Variants in MRPL3 observed in about 807,000 individuals in gnomAD.
MRPL3 encodes large ribosomal subunit protein uL3m.
MRPL3 carries 43 observed loss-of-function variants against 44.3 expected under a neutral mutation model. The observed-to-expected ratio is 0.97, with a 90% CI of 0.76 to 1.25. The LOEUF is 1.25. MRPL3 is among the 50% of genes most tolerant of loss of function. The pLI, the probability that MRPL3 is intolerant of heterozygous loss-of-function variation, is 0.00. For synonymous variants in MRPL3, 171 were observed against 152.3 expected (o/e 1.12, Z -0.91); for missense variants, 406 against 427.6 (o/e 0.95, Z 0.45).
intron 3 of MRPL3, among the ~76,000 whole-genome samples, chr3:131,499,418 T>C (rs1223186635): frequency 2.0e-5 from 3 of 152,228 alleles, no homozygotes; most frequent in Non-Finnish European, 4.4e-5. Flanking sequence ...TTTTGCCACA[T>C]AATGCTAAAG....
Position 131,476,626 on chromosome 3 carries a change from A to T in MRPL3, c.630-5347T>A, listed in dbSNP as rs181339641. On this transcript the variant is annotated intron_variant, in intron 6 of 9. Transcript: ENST00000264995. Reference sequence around the variant, plus strand: ...ACATAGAGATCCCAATTTTAGTTAGATATATTTGAAAATTAAGAAGACATA... The same window carrying T: ...ACATAGAGATCCCAATTTTAGTTAGTTATATTTGAAAATTAAGAAGACATA... 1.2e-4 allele frequency among the ~76,000 whole-genome samples: 18 copies of T among 152,312 alleles called. No homozygotes were observed. The East Asian group carries it at 3.1e-3, about 26-fold the overall frequency.
chr3:131,485,804 T>C (rs374366011), intron 6 of MRPL3, among the ~76,000 whole-genome samples: 1 of 152,192 alleles, frequency 6.6e-6, no homozygotes, highest in South Asian at 2.1e-4. Context: ...CTAGGAAGAA[T>C]GCATCTTAAC....
chr3:131,467,274 C>A lies in MRPL3; in HGVS notation c.894+817G>T, dbSNP rs538721711. On this transcript the variant is annotated intron_variant, in intron 9 of 9. Transcript: ENST00000264995. ...CACACATACACACACACACACACACCCACCACATCTTCTTTATCCATTCAT... is the reference window on the plus strand; with the variant it reads ...CACACATACACACACACACACACACACACCACATCTTCTTTATCCATTCAT... Among the ~76,000 whole-genome samples the A allele has an allele frequency of 1.0e-3, 158 of 151,282 alleles. 1 individual carries two copies. The highest frequency in any genetic ancestry group is 2.6e-3 in the Admixed American group (39 of 15,206).
chr3:131,469,489 A>C (rs547430049), intron 8 of MRPL3, among the ~76,000 whole-genome samples: 1 of 148,974 alleles, frequency 6.7e-6, no homozygotes, highest in South Asian at 2.1e-4. Context: ...TCATGGCCTG[A>C]AATATACCCT....
intron 8 of MRPL3, among the ~76,000 whole-genome samples, chr3:131,469,096 T>C (rs747665667): frequency 1.3e-5 from 2 of 152,120 alleles, no homozygotes; most frequent in African/African-American, 2.4e-5. Context: ...TTGGTAGAGA[T>C]TGAATTCAAC....
rs374623346 is a variant in MRPL3 at position 131,469,713 on chromosome 3, T to C, written c.799A>G (p.Thr267Ala). 1.2e-6 allele frequency: 2 copies of C among 1,611,492 alleles called. No homozygotes were observed. Among genetic ancestry groups the C allele is most frequent in the Non-Finnish European group, 1.7e-6 (2 of 1,178,364 alleles). The change falls in exon 8 of 10, where the codon ACA (threonine) becomes GCA (alanine). Residue 267 changes from threonine (T) to alanine (A), a missense_variant. Coordinates refer to ENST00000264995, the MANE Select transcript of MRPL3 (RefSeq NM_007208.4). ...ACACTTACTTTCAGTCCATATTCTG[T>C]CCTGTATATGTTTCCCATTTTTCCA... The part of the protein sequence containing the change: ...MPGKMGNIYR[T>A]EYGLKVWRIN...
chr3:131,487,830 A>G, intron 5 of MRPL3, 90 bp from the exon 6 acceptor site: 2 of 977,532 alleles, frequency 2.0e-6, no homozygotes, highest in South Asian at 1.5e-5. Context: ...GAAGGCTTCT[A>G]GCTGATTTCA....
At chr3:131,477,832 A>C (rs577086924) in intron 6 of MRPL3, among the ~76,000 whole-genome samples, 1 of 152,304 alleles carries the variant, frequency 6.6e-6, no homozygotes, top group East Asian at 1.9e-4. Context: ...TTTAAAATAG[A>C]ATCTCTCCAC....
intron 4 of MRPL3, among the ~76,000 whole-genome samples, chr3:131,495,131 A>G (rs1456639269): frequency 6.6e-6 from 1 of 152,174 alleles, no homozygotes; most frequent in Non-Finnish European, 1.5e-5. Context: ...AACAGTTCTA[A>G]CACTATTATA....
intron 8 of MRPL3, 59 bp from the exon 9 acceptor site, chr3:131,468,227 T>C: frequency 1.0e-6 from 1 of 970,826 alleles, no homozygotes; most frequent in Non-Finnish European, 1.6e-6. Context: ...ACAATGTTAC[T>C]AAAAGCTGAG....
intron 4 of MRPL3, among the ~76,000 whole-genome samples, chr3:131,495,822 T>A (rs1235485898): frequency 6.6e-6 from 1 of 152,176 alleles, no homozygotes; most frequent in Non-Finnish European, 1.5e-5. Flanking sequence ...TTCTTGAGAA[T>A]TAAAATATTC....
At chr3:131,479,198 C>A (rs1933921718) in intron 6 of MRPL3, 1 of 518,948 alleles carries the variant, frequency 1.9e-6, no homozygotes, top group Admixed American at 1.9e-5. Context: ...CCTGCCTGGA[C>A]ATGAGCACAG....
chr3:131,463,497 T>C (rs779370299), intron 9 of MRPL3, among the ~76,000 whole-genome samples: 13 of 152,114 alleles, frequency 8.5e-5, no homozygotes, highest in Admixed American at 2.0e-4. Context: ...GATTTAGCAC[T>C]GAATACTTCC....
chr3:131,483,848 ACTC>A (rs1463415370), intron 6 of MRPL3, among the ~76,000 whole-genome samples: 19 of 152,174 alleles, frequency 1.2e-4, no homozygotes, highest in African/African-American at 4.6e-4. Flanking sequence ...AGTACATTTA[ACTC>A]AGCAATTAAA....
In MRPL3 at chr3:131,463,496, C is replaced by T. The variant is rs577043330; in HGVS notation, c.895-621G>A. ...ATTTTATATCATTCTTGATTTAGCA[C>T]TGAATACTTCCATGGCCTTAGTGCA... On this transcript the variant is annotated intron_variant, in intron 9 of 9. Transcript: ENST00000264995. 4.6e-5 allele frequency among the ~76,000 whole-genome samples: 7 copies of T among 152,052 alleles called. No individual in the cohort carries two copies. In the South Asian group the frequency reaches 1.5e-3, roughly 32 times the overall value.
chr3:131,479,910 G>T (rs1409979844), intron 6 of MRPL3, among the ~76,000 whole-genome samples: 1 of 152,150 alleles, frequency 6.6e-6, no homozygotes, highest in African/African-American at 2.4e-5. Context: ...AAAGCAAAAT[G>T]TCTAAATCAA....
chr3:131,466,369 A>C (rs1172080396), intron 9 of MRPL3, among the ~76,000 whole-genome samples: 1 of 152,144 alleles, frequency 6.6e-6, no homozygotes, highest in Non-Finnish European at 1.5e-5. Flanking sequence ...TGGAAGATTC[A>C]AAACTCAGAG....
At chr3:131,469,234 GCACACACA>G (rs145773394) in intron 8 of MRPL3, among the ~76,000 whole-genome samples, 7 of 135,920 alleles carry the variant, frequency 5.2e-5, no homozygotes, top group Non-Finnish European at 1.2e-4. Flanking sequence ...ACACACACAC[GCACACACA>G]CACACACACA....
chr3:131,468,402 T>C (rs1933669430), intron 8 of MRPL3, among the ~76,000 whole-genome samples: 1 of 152,168 alleles, frequency 6.6e-6, no homozygotes, highest in Admixed American at 6.6e-5. Flanking sequence ...GAGATGTGAC[T>C]GAATGATCAA....
Sources: gnomAD v4.1 joint callset for allele counts (sites outside exome capture counted in the v4.1 genomes callset) on GRCh38, gnomAD v4.1.1 for gene constraint, MANE v1.5 for transcripts, NCBI Gene and HGNC (gene_info 2026-07-23, HGNC 2026-07-21) for gene names.